Variants in LRFN5 observed in about 807,000 individuals in gnomAD.
LRFN5 encodes leucine rich repeat and fibronectin type III domain containing 5.
In LRFN5, 24 loss-of-function variants were observed where a neutral mutation model predicts 45.6. The observed-to-expected ratio is 0.53, with a 90% CI of 0.38 to 0.74. LRFN5 has a LOEUF of 0.74. Ranked by LOEUF, LRFN5 falls within the 30% of genes least tolerant of loss-of-function variation. LRFN5 has a pLI of 0.00. For missense variants in LRFN5, 776 were observed against 861.5 expected, an observed-to-expected ratio of 0.90 and a Z score of 1.24; for synonymous variants, 340 against 313.8, an observed-to-expected ratio of 1.08 and a Z score of -0.88.
chr14:41,889,181 G>A (rs1026762746), intron 3 of LRFN5, among the ~76,000 whole-genome samples: 3 of 150,632 alleles, frequency 2.0e-5, no homozygotes, highest in Admixed American at 2.0e-4. Context: ...TATGTACCCA[G>A]GTGAATTATT....
chr14:41,845,240 G>A (rs2139063369), intron 2 of LRFN5, among the ~76,000 whole-genome samples: 1 of 152,142 alleles, frequency 6.6e-6, no homozygotes, highest in Non-Finnish European at 1.5e-5. Context: ...CTATTTAAAG[G>A]ACACGACAAA....
chr14:41,886,465 G>C, intron 2 of LRFN5, 141 bp from the exon 3 acceptor site: 5 of 587,590 alleles, frequency 8.5e-6, no homozygotes, highest in Non-Finnish European at 1.4e-5. Context: ...CTTTACTACA[G>C]AATAAATATT....
intron 1 of LRFN5, among the ~76,000 whole-genome samples, chr14:41,616,875 A>C (rs1594552128): frequency 6.6e-6 from 1 of 152,144 alleles, no homozygotes; most frequent in Non-Finnish European, 1.5e-5. Context: ...GACCAATCCA[A>C]GATATGTTTA....
At chr14:41,883,146 C>T (rs1437887422) in intron 2 of LRFN5, among the ~76,000 whole-genome samples, 1 of 149,862 alleles carries the variant, frequency 6.7e-6, no homozygotes, top group East Asian at 2.0e-4. Flanking sequence ...GTCACCACCC[C>T]CCGCCATTTC....
chr14:41,780,499 C>T (rs547626219), intron 2 of LRFN5, among the ~76,000 whole-genome samples: 4 of 152,112 alleles, frequency 2.6e-5, no homozygotes, highest in African/African-American at 9.6e-5. Context: ...ATAGCTACTT[C>T]AGCTTTCTTT....
At position 41,622,543 on chromosome 14, in the gene LRFN5, A is replaced by G. The variant is rs187271402; in HGVS notation, c.-197+13981A>G. ...ATACTGAATCTCTATTAATATGCAT[A>G]CTATATATTGTACTGTTCATAATTA... On this transcript the variant is annotated intron_variant, in intron 1 of 5. Coordinates refer to ENST00000298119, the MANE Select transcript of LRFN5 (RefSeq NM_152447.5). 1.8e-3 allele frequency among the ~76,000 whole-genome samples: 275 copies of G among 152,242 alleles called. 4 individuals carry two copies. Among genetic ancestry groups the G allele is most frequent in the South Asian group, 0.014 (67 of 4,824 alleles).
intron 1 of LRFN5, among the ~76,000 whole-genome samples, chr14:41,733,235 C>T (rs1445733980): frequency 1.3e-5 from 2 of 151,884 alleles, no homozygotes; most frequent in East Asian, 3.9e-4. Context: ...TCAGAGAACT[C>T]CACGTGGGAT....
intron 1 of LRFN5, among the ~76,000 whole-genome samples, chr14:41,711,492 C>T (rs915764079): frequency 1.3e-5 from 2 of 152,086 alleles, no homozygotes; most frequent in African/African-American, 4.8e-5. Flanking sequence ...GGGAGAAAAA[C>T]ACAGAGGACA....
intron 1 of LRFN5, among the ~76,000 whole-genome samples, chr14:41,628,812 A>C (rs549167958): frequency 1.3e-5 from 2 of 152,108 alleles, no homozygotes; most frequent in South Asian, 2.1e-4. Context: ...AAAACAGGAA[A>C]CTTCGTGTGC....
chr14:41,696,547 T>TCACAATCAACAGATTGTGATATCAA (rs1882618853), intron 1 of LRFN5, among the ~76,000 whole-genome samples: 1 of 150,898 alleles, frequency 6.6e-6, no homozygotes, highest in East Asian at 2.0e-4. Context: ...TCTGCAGACA[T>TCACAATCAACAGATTGTGATATCAA]CACAATCTGT....
intron 1 of LRFN5, among the ~76,000 whole-genome samples, chr14:41,738,412 A>G (rs775137754): frequency 6.6e-6 from 1 of 152,216 alleles, no homozygotes; most frequent in Non-Finnish European, 1.5e-5. Flanking sequence ...AACCTAGGCA[A>G]TACCATTCAG....
chr14:41,649,206 A>G (rs1047728673), intron 1 of LRFN5, among the ~76,000 whole-genome samples: 1 of 152,050 alleles, frequency 6.6e-6, no homozygotes, highest in African/African-American at 2.4e-5. Context: ...CTGCACTTCA[A>G]CCTGGGCAAA....
chr14:41,756,568 A>G (rs1243828347), intron 1 of LRFN5, among the ~76,000 whole-genome samples: 1 of 152,028 alleles, frequency 6.6e-6, no homozygotes, highest in African/African-American at 2.4e-5. Context: ...AGGCTTGTGC[A>G]TTGGTCCCGT....
intron 2 of LRFN5, among the ~76,000 whole-genome samples, chr14:41,771,199 C>T (rs775764234): frequency 1.4e-4 from 21 of 150,050 alleles, no homozygotes; most frequent in Non-Finnish European, 4.5e-5. Context: ...GGGCCTCTGG[C>T]CCTGGATCTC....
At chr14:41,691,005 C>T (rs1343721784) in intron 1 of LRFN5, among the ~76,000 whole-genome samples, 1 of 151,838 alleles carries the variant, frequency 6.6e-6, no homozygotes, top group Non-Finnish European at 1.5e-5. Context: ...TATACTGTTT[C>T]TCTTTTATTC....
chr14:41,891,144 A>G, intron 3 of LRFN5, 106 bp from the exon 4 acceptor site: 3 of 844,998 alleles, frequency 3.6e-6, no homozygotes, highest in South Asian at 1.5e-5. Flanking sequence ...TATGTTATAA[A>G]TGTACTTAAT....
At chr14:41,617,500 T>G (rs181069796) in intron 1 of LRFN5, among the ~76,000 whole-genome samples, 2 of 152,278 alleles carry the variant, frequency 1.3e-5, no homozygotes, top group East Asian at 3.9e-4. Context: ...AAAAATGTGT[T>G]TTTAGTCTCC....
chr14:41,744,559 C>G (rs1884839602), intron 1 of LRFN5, among the ~76,000 whole-genome samples: 1 of 151,982 alleles, frequency 6.6e-6, no homozygotes. Context: ...AACAGATTAA[C>G]CACTCCAATT....
chr14:41,750,502 A>G (rs7147287), intron 1 of LRFN5, among the ~76,000 whole-genome samples: 1 of 151,594 alleles, frequency 6.6e-6, no homozygotes, highest in African/African-American at 2.4e-5. Flanking sequence ...TGAAGGTCAC[A>G]TAAAATAATG....
Sources: allele counts gnomAD v4.1 joint callset (sites outside exome capture counted in the v4.1 genomes callset), GRCh38; gene constraint gnomAD v4.1.1; transcripts MANE v1.5; gene names NCBI Gene and HGNC (gene_info 2026-07-23, HGNC 2026-07-21).